FAM227B: variants seen among roughly 807,000 people sequenced by gnomAD.
The protein encoded by FAM227B is family with sequence similarity 227 member B.
In FAM227B, 88 loss-of-function variants were observed where a neutral mutation model predicts 73.8. That is an observed-to-expected ratio of 1.19 (90% confidence interval 1.00 to 1.42). The LOEUF (loss-of-function observed/expected upper bound fraction) is 1.42. Among genes scored for constraint, FAM227B ranks in the 40% most tolerant of loss-of-function variants. FAM227B has a pLI of 0.00. For synonymous variants in FAM227B, 210 were observed against 190.5 expected (o/e 1.10, Z -0.84); for missense variants, 632 against 590.9 (o/e 1.07, Z -0.72).
intron 11 of FAM227B, among the ~76,000 whole-genome samples, chr15:49,408,758 G>T (rs1462359622): frequency 4.0e-5 from 6 of 151,226 alleles, no homozygotes; most frequent in Non-Finnish European, 8.8e-5. Context: ...TTTTCTGTCA[G>T]ATTATGCTTT....
intron 12 of FAM227B, among the ~76,000 whole-genome samples, chr15:49,368,386 T>C (rs1291165484): frequency 6.6e-6 from 1 of 152,182 alleles, no homozygotes; most frequent in Non-Finnish European, 1.5e-5. Flanking sequence ...AATTTTGTTT[T>C]CATTTGCTTT....
intron 10 of FAM227B, among the ~76,000 whole-genome samples, chr15:49,540,869 G>A (rs1224335109): frequency 6.6e-6 from 1 of 152,018 alleles, no homozygotes; most frequent in African/African-American, 2.4e-5. Flanking sequence ...TATATAACTG[G>A]CAGGAGATTC....
At chr15:49,337,695 C>T (rs2040006616) in intron 13 of FAM227B, among the ~76,000 whole-genome samples, 1 of 151,594 alleles carries the variant, frequency 6.6e-6, no homozygotes, top group Non-Finnish European at 1.5e-5. Flanking sequence ...CCTCAACAGG[C>T]CCCCTGATGT....
At chr15:49,345,037 T>C (rs1051278991) in intron 13 of FAM227B, among the ~76,000 whole-genome samples, 1 of 152,206 alleles carries the variant, frequency 6.6e-6, no homozygotes, top group African/African-American at 2.4e-5. Flanking sequence ...ACTATTTAAT[T>C]TCTTCCTCAG....
chr15:49,493,872 GTA>G (rs35761163), intron 11 of FAM227B, among the ~76,000 whole-genome samples: 2,581 of 148,080 alleles, frequency 0.017, 36 homozygotes, highest in Middle Eastern at 0.039. Flanking sequence ...GTATGTATGT[GTA>G]TATATATATA....
chr15:49,594,815 T>C (rs903699752), intron 3 of FAM227B, among the ~76,000 whole-genome samples: 1 of 152,216 alleles, frequency 6.6e-6, no homozygotes, highest in African/African-American at 2.4e-5. Flanking sequence ...CATGCTGTTT[T>C]GGTGACTACA....
intron 10 of FAM227B, among the ~76,000 whole-genome samples, chr15:49,532,526 T>A (rs1283853879): frequency 6.6e-6 from 1 of 151,720 alleles, no homozygotes; most frequent in African/African-American, 2.4e-5. Flanking sequence ...AATAATTGTT[T>A]CTTTGGTGGA....
intron 11 of FAM227B, among the ~76,000 whole-genome samples, chr15:49,464,218 G>A (rs534517735): frequency 5.9e-5 from 9 of 151,934 alleles, no homozygotes; most frequent in South Asian, 2.1e-4. Flanking sequence ...TTTAAAAAGC[G>A]GTGATTCTGA....
intron 11 of FAM227B, among the ~76,000 whole-genome samples, chr15:49,414,813 A>G (rs542799553): frequency 5.9e-5 from 9 of 152,290 alleles, no homozygotes; most frequent in African/African-American, 2.2e-4. Flanking sequence ...AGGACTCACT[A>G]TGTTTGAATT....
rs368177685 is a variant in FAM227B, at chr15:49,577,638, C to A, written c.432G>T (p.Lys144Asn). Residue 144 changes from lysine (K) to asparagine (N), a missense_variant, in exon 6 of 16, where the codon AAG becomes AAT. By Grantham distance (94) the Lys-to-Asn change is moderately conservative. Transcript: ENST00000299338. The stretch of plus-strand genomic sequence containing the variant: ...CAGAAATTTTAAGTACCTCTATATT[C>A]TTCTCTGTCTCCATTTCATCTGAAA... ...IMLSDEMETE[K>N]NIEGCSFTGF... is the part of the protein sequence containing the mutation. The A allele has an allele frequency of 3.8e-5, 59 of 1,564,692 alleles. No individual in the cohort carries two copies. The highest frequency in any genetic ancestry group is 4.8e-5 in the Non-Finnish European group (55 of 1,145,800).
chr15:49,421,121 A>G (rs2049592726), intron 11 of FAM227B, among the ~76,000 whole-genome samples: 1 of 152,258 alleles, frequency 6.6e-6, no homozygotes. Context: ...CTATAGGTCT[A>G]TTAAAACAAG....
chr15:49,353,442 A>T (rs1045377496), intron 13 of FAM227B: 7 of 152,136 alleles, frequency 4.6e-5, no homozygotes, highest in African/African-American at 1.4e-4. Flanking sequence ...GAAGTCTTTT[A>T]TCTCTACGTT....
At chr15:49,382,178 T>C (rs1394022350) in intron 11 of FAM227B, among the ~76,000 whole-genome samples, 5 of 152,026 alleles carry the variant, frequency 3.3e-5, no homozygotes, top group African/African-American at 9.7e-5. Flanking sequence ...ATAGGTACAA[T>C]ATGCAGGAAG....
At chr15:49,345,281 G>A (rs2041302269) in intron 13 of FAM227B, among the ~76,000 whole-genome samples, 1 of 152,024 alleles carries the variant, frequency 6.6e-6, no homozygotes, top group South Asian at 2.1e-4. Context: ...AATGAACTGG[G>A]TAGACATACG....
chr15:49,595,330 T>A (rs1157777452), intron 3 of FAM227B, among the ~76,000 whole-genome samples: 1 of 152,066 alleles, frequency 6.6e-6, no homozygotes, highest in Non-Finnish European at 1.5e-5. Context: ...ATTTATCAGA[T>A]CTAGGAGCTT....
At chr15:49,451,063 T>A (rs1175282448) in intron 11 of FAM227B, among the ~76,000 whole-genome samples, 1 of 152,068 alleles carries the variant, frequency 6.6e-6, no homozygotes, top group African/African-American at 2.4e-5. Flanking sequence ...TTTAATTCAA[T>A]CAAAATTTTA....
intron 11 of FAM227B, among the ~76,000 whole-genome samples, chr15:49,495,948 G>A (rs1282652160): frequency 3.3e-5 from 5 of 152,026 alleles, no homozygotes; most frequent in South Asian, 2.1e-4. Context: ...GCTTGAACCC[G>A]GGAGGCAGAG....
At chr15:49,377,962 A>C (rs1324834717) in intron 11 of FAM227B, among the ~76,000 whole-genome samples, 1 of 152,114 alleles carries the variant, frequency 6.6e-6, no homozygotes, top group Non-Finnish European at 1.5e-5. Flanking sequence ...AGTTTCCCTG[A>C]TGTTTTCTTG....
At chr15:49,437,712 A>C (rs760197575) in intron 11 of FAM227B, among the ~76,000 whole-genome samples, 1 of 151,716 alleles carries the variant, frequency 6.6e-6, no homozygotes, top group Non-Finnish European at 1.5e-5. Flanking sequence ...TGCAATATTT[A>C]CTGAGCATAT....
Sources: gnomAD v4.1 joint callset for allele counts (sites outside exome capture counted in the v4.1 genomes callset) on GRCh38, gnomAD v4.1.1 for gene constraint, MANE v1.5 for transcripts, NCBI Gene and HGNC (gene_info 2026-07-23, HGNC 2026-07-21) for gene names.